Variants in DYNC1I1 observed in about 807,000 individuals in gnomAD.
DYNC1I1 encodes the protein cytoplasmic dynein 1 intermediate chain 1.
A neutral mutation model predicts 86.6 loss-of-function variants in DYNC1I1; 43 were observed. The observed-to-expected ratio is 0.50, with a 90% CI of 0.39 to 0.64. DYNC1I1 has a LOEUF of 0.64. Ranked by LOEUF, DYNC1I1 falls within the 30% of genes least tolerant of loss-of-function variation. The pLI is 0.00. For missense variants in DYNC1I1, 604 were observed against 788.8 expected (o/e 0.77, Z 2.81); for synonymous variants, 262 against 283.7 (o/e 0.92, Z 0.77).
At chr7:95,856,852 G>A (rs1014559278) in intron 5 of DYNC1I1, among the ~76,000 whole-genome samples, 4 of 152,048 alleles carry the variant, frequency 2.6e-5, no homozygotes, top group African/African-American at 4.8e-5. Context: ...GGTGGCAGGC[G>A]CCTGTAATCT....
At chr7:95,845,782 C>A (rs1250084223) in intron 5 of DYNC1I1, among the ~76,000 whole-genome samples, 1 of 152,086 alleles carries the variant, frequency 6.6e-6, no homozygotes, top group Non-Finnish European at 1.5e-5. Flanking sequence ...CAGAACCAAT[C>A]AAAATTTTGT....
In DYNC1I1 at chr7:95,946,877, T is replaced by C. The variant is rs547982811; in HGVS notation, c.491-30635T>C. ...TGTGTGCTATAGAGAAGAAAAGGAG[T>C]GGAGTAAAAGAGACAGACAGCTGGT... On this transcript the variant is annotated intron_variant, in intron 6 of 16. Transcript: ENST00000447467. 8.2e-4 allele frequency among the ~76,000 whole-genome samples: 123 copies of C among 150,624 alleles called. 1 individual carries two copies. The highest frequency in any genetic ancestry group is 2.7e-3 in the African/African-American group (111 of 40,956).
intron 6 of DYNC1I1, among the ~76,000 whole-genome samples, chr7:95,871,468 C>T (rs1790166561): frequency 6.6e-6 from 1 of 152,204 alleles, no homozygotes; most frequent in African/African-American, 2.4e-5. Flanking sequence ...AAAACATCCT[C>T]ACCACCCAAC....
chr7:96,019,079 T>C (rs1008255671), intron 10 of DYNC1I1, among the ~76,000 whole-genome samples: 1 of 152,190 alleles, frequency 6.6e-6, no homozygotes, highest in Non-Finnish European at 1.5e-5. Context: ...CAAAATTGTA[T>C]ATATCTATGG....
chr7:96,032,813 C>T, intron 12 of DYNC1I1, 33 bp downstream of exon 12: 2 of 1,554,578 alleles, frequency 1.3e-6, no homozygotes, highest in African/African-American at 2.7e-5. Context: ...ATAACACCAT[C>T]CTGGTTAAAA....
intron 6 of DYNC1I1, among the ~76,000 whole-genome samples, chr7:95,896,526 G>C (rs1790886674): frequency 6.6e-6 from 1 of 152,154 alleles, no homozygotes; most frequent in Non-Finnish European, 1.5e-5. Flanking sequence ...TTTCAGAGAA[G>C]ATAACTGACA....
intron 5 of DYNC1I1, among the ~76,000 whole-genome samples, chr7:95,846,320 C>T (rs1218578459): frequency 6.6e-6 from 1 of 152,098 alleles, no homozygotes; most frequent in African/African-American, 2.4e-5. Flanking sequence ...CTTCTCTCAT[C>T]CTAGAAATTT....
In DYNC1I1 at chr7:95,952,486, G is replaced by A. The variant is rs78903872; in HGVS notation, c.491-25026G>A. Among the ~76,000 whole-genome samples, 464 of 152,140 alleles carry A rather than the reference G, an allele frequency of 3.0e-3. 4 individuals carry two copies. Among genetic ancestry groups the A allele is most frequent in the African/African-American group, 0.011 (439 of 41,512 alleles). ...GTAGATTTAAGATTGGATCCCCAGCGGCTCCCCTCCCCATCCCTTTTATCC... is the reference window on the plus strand; with the variant it reads ...GTAGATTTAAGATTGGATCCCCAGCAGCTCCCCTCCCCATCCCTTTTATCC... On this transcript the variant is annotated intron_variant, in intron 6 of 16. Coordinates refer to ENST00000447467, the MANE Select transcript of DYNC1I1 (RefSeq NM_001135556.2).
In DYNC1I1 at chr7:96,080,386, T is replaced by C; in HGVS notation, c.1674T>C (p.Ile558=). 6.2e-7 allele frequency: 1 copy of C among 1,611,438 alleles called. No individual in the cohort carries two copies. Among genetic ancestry groups the C allele is most frequent in the Non-Finnish European group, 8.5e-7 (1 of 1,178,786 alleles). Residue 558 remains isoleucine, a synonymous_variant, in exon 16 of 17, where the codon ATT becomes ATC. Coordinates refer to ENST00000447467, the MANE Select transcript of DYNC1I1 (RefSeq NM_001135556.2). Reference sequence around the variant, plus strand: ...AGGTTCCAACAGCAAGTGTGGCCATTGAGGGGGCATCCGCCCTAAACCGTG... The same window carrying C: ...AGGTTCCAACAGCAAGTGTGGCCATCGAGGGGGCATCCGCCCTAAACCGTG... ...DTEVPTASVA[I]EGASALNRVR...
chr7:95,867,258 A>G (rs887356684), intron 5 of DYNC1I1, among the ~76,000 whole-genome samples: 1 of 152,210 alleles, frequency 6.6e-6, no homozygotes, highest in Non-Finnish European at 1.5e-5. Flanking sequence ...AATCATCAGA[A>G]CAGATAAAGT....
intron 4 of DYNC1I1, among the ~76,000 whole-genome samples, chr7:95,817,722 C>G (rs1486419540): frequency 6.6e-6 from 1 of 152,158 alleles, no homozygotes; most frequent in East Asian, 1.9e-4. Flanking sequence ...ATCCATGCCC[C>G]TACAGACCAC....
At chr7:95,808,182 T>C (rs1363023323) in intron 2 of DYNC1I1, among the ~76,000 whole-genome samples, 1 of 152,166 alleles carries the variant, frequency 6.6e-6, no homozygotes, top group Non-Finnish European at 1.5e-5. Flanking sequence ...TAGTTTTGTG[T>C]TGTTTATAGA....
intron 10 of DYNC1I1, among the ~76,000 whole-genome samples, chr7:96,000,220 G>A (rs1793976456): frequency 6.6e-6 from 1 of 152,096 alleles, no homozygotes; most frequent in African/African-American, 2.4e-5. Flanking sequence ...GATTCAAAAT[G>A]AAAGCACATA....
intron 10 of DYNC1I1, among the ~76,000 whole-genome samples, chr7:95,996,366 C>T (rs1793868191): frequency 6.6e-6 from 1 of 152,228 alleles, no homozygotes; most frequent in Non-Finnish European, 1.5e-5. Flanking sequence ...TGGTGTACCA[C>T]TTCCTCTGCT....
At chr7:96,061,428 G>A (rs1051372612) in intron 14 of DYNC1I1, among the ~76,000 whole-genome samples, 12 of 152,124 alleles carry the variant, frequency 7.9e-5, no homozygotes, top group Non-Finnish European at 1.5e-4. Flanking sequence ...CATCCAAAGC[G>A]TAAGAGAGGA....
At chr7:95,782,430 C>A (rs907188876) in intron 1 of DYNC1I1, among the ~76,000 whole-genome samples, 3 of 152,194 alleles carry the variant, frequency 2.0e-5, no homozygotes, top group Admixed American at 6.5e-5. Context: ...GGAGAGTTCC[C>A]TGAGCCATTT....
intron 1 of DYNC1I1, among the ~76,000 whole-genome samples, chr7:95,793,075 G>T (rs1794346815): frequency 6.6e-6 from 1 of 152,080 alleles, no homozygotes; most frequent in African/African-American, 2.4e-5. Context: ...ATCAGATTTG[G>T]TGATAGAAAG....
At chr7:95,963,801 C>T (rs563818909) in intron 6 of DYNC1I1, among the ~76,000 whole-genome samples, 24 of 152,204 alleles carry the variant, frequency 1.6e-4, no homozygotes, top group Non-Finnish European at 1.8e-4. Context: ...GCTTGAAAAA[C>T]GAAGGAAAGA....
At chr7:95,792,679 T>A (rs754902245) in intron 1 of DYNC1I1, among the ~76,000 whole-genome samples, 1 of 151,488 alleles carries the variant, frequency 6.6e-6, no homozygotes. Context: ...TTGTATGATT[T>A]TCTCCTTCTA....
Sources: gnomAD v4.1 joint callset for allele counts (sites outside exome capture counted in the v4.1 genomes callset) on GRCh38, gnomAD v4.1.1 for gene constraint, MANE v1.5 for transcripts, NCBI Gene and HGNC (gene_info 2026-07-23, HGNC 2026-07-21) for gene names.